Variants in ABCB1 observed in about 807,000 individuals in gnomAD.
ABCB1 encodes ATP binding cassette subfamily B member 1.
Under a neutral mutation model 142.0 loss-of-function variants are expected in ABCB1, and 69 were observed. That is an observed-to-expected ratio of 0.49 (90% confidence interval 0.40 to 0.59). The LOEUF is 0.59. Among genes scored for constraint, ABCB1 ranks in the 20% least tolerant of loss-of-function variants. The pLI is 0.00. For missense variants in ABCB1, 1,326 were observed against 1,554.7 expected (o/e 0.85, Z 2.47); for synonymous variants, 532 against 539.2 (o/e 0.99, Z 0.18).
At chr7:87,559,181 A>G (rs1817442122) in intron 8 of ABCB1, among the ~76,000 whole-genome samples, 1 of 152,068 alleles carries the variant, frequency 6.6e-6, no homozygotes. Flanking sequence ...GAACTTGCCT[A>G]CAAAATTATC....
chr7:87,652,299 G>A (rs1006428403), intron 1 of ABCB1, among the ~76,000 whole-genome samples: 1 of 151,978 alleles, frequency 6.6e-6, no homozygotes, highest in African/African-American at 2.4e-5. Flanking sequence ...AGGCTATGTT[G>A]AGACTCCCAT....
At chr7:87,685,544 T>C (rs949921822) in intron 1 of ABCB1, among the ~76,000 whole-genome samples, 1 of 152,132 alleles carries the variant, frequency 6.6e-6, no homozygotes, top group Non-Finnish European at 1.5e-5. Context: ...CATGTATAAA[T>C]GTCAGATACA....
At position 87,544,051 on chromosome 7, in the gene ABCB1, T is replaced by C. The variant is rs572053920; in HGVS notation, c.2211+78A>G. 42 of 1,560,480 alleles carry C rather than the reference T, an allele frequency of 2.7e-5. No homozygotes were observed. In the African/African-American group the frequency reaches 5.4e-4, roughly 20 times the overall value. On this transcript the variant is annotated intron_variant, in intron 17 of 27. Transcript: ENST00000622132. The stretch of plus-strand genomic sequence containing the variant: ...GGATTTTGTTGTTTTTGTATCCCAG[T>C]TCAGACACAAGCACTTTATTCGTTC...
intron 1 of ABCB1, chr7:87,629,008 C>G: frequency 7.8e-7 from 1 of 1,282,388 alleles, no homozygotes; most frequent in African/African-American, 1.5e-5. Context: ...TGGGCTTCCG[C>G]GCGGGTCCTT....
At chr7:87,625,299 C>T (rs1820372064) in intron 1 of ABCB1, among the ~76,000 whole-genome samples, 1 of 151,946 alleles carries the variant, frequency 6.6e-6, no homozygotes, top group Non-Finnish European at 1.5e-5. Context: ...ATTACCTCAT[C>T]ATTTAAGATG....
Position 87,531,280 on chromosome 7 carries a change from T to C in ABCB1, c.2685+14A>G, listed in dbSNP as rs1192671941. 12 of 1,600,168 alleles carry C rather than the reference T, an allele frequency of 7.5e-6. No individual in the cohort carries two copies. Among genetic ancestry groups the C allele is most frequent in the Non-Finnish European group, 1.0e-5 (12 of 1,168,748 alleles). The stretch of plus-strand genomic sequence containing the variant: ...ACTCTACTTAATTAATCAATCATAT[T>C]TAGTTTGACTCACCTTCCCAGAACC... On this transcript the variant is annotated intron_variant, in intron 21 of 27. Transcript: ENST00000622132.
At position 87,541,465 on chromosome 7, in the gene ABCB1, C is replaced by A; in HGVS notation, c.2212-1G>T. 1 of 1,586,276 alleles carries A rather than the reference C, an allele frequency of 6.3e-7. No individual in the cohort carries two copies. The highest frequency in any genetic ancestry group is 1.7e-5 in the Admixed American group (1 of 59,968). ...CAGGATCATCAATTCTTGTAAAAAC[C>A]TGTGAGAAAACATTTAAAGGATTTT... On this transcript the variant is annotated splice_acceptor_variant, in intron 17 of 27. Transcript: ENST00000622132. LOFTEE classifies it high-confidence loss of function.
intron 1 of ABCB1, among the ~76,000 whole-genome samples, chr7:87,626,492 A>G (rs868252452): frequency 0.023 from 268 of 11,734 alleles, 116 homozygotes; most frequent in Middle Eastern, 0.083. Flanking sequence ...TGTCATATAT[A>G]TGTGTCATAT....
chr7:87,570,415 T>C (rs1818000642), intron 4 of ABCB1, among the ~76,000 whole-genome samples, 192 bp from the exon 5 acceptor site: 1 of 152,204 alleles, frequency 6.6e-6, no homozygotes, highest in African/African-American at 2.4e-5. Flanking sequence ...TGCAACCACA[T>C]ATACACCAAC....
chr7:87,545,659 A>C (rs530671585), intron 15 of ABCB1, among the ~76,000 whole-genome samples: 2 of 152,230 alleles, frequency 1.3e-5, no homozygotes, highest in Admixed American at 1.3e-4. Flanking sequence ...AAACCTTTTA[A>C]TTTTTTTATC....
chr7:87,509,441 C>G lies in ABCB1; in HGVS notation c.3323G>C (p.Trp1108Ser). 6.2e-7 allele frequency: 1 copy of G among 1,614,172 alleles called. No individual in the cohort carries two copies. Among genetic ancestry groups the G allele is most frequent in the Non-Finnish European group, 8.5e-7 (1 of 1,180,042 alleles). ...CACGATGCCCAGGTGTGCTCGGAGC[C>G]ACTGAACATTCAGTCGCTTTATTTC... ...GKEIKRLNVQWLRAHLGIVSQ... is the reference protein window; with the variant it reads ...GKEIKRLNVQSLRAHLGIVSQ... Residue 1108 changes from tryptophan (W) to serine (S), a missense_variant, in exon 26 of 28, where the codon TGG (tryptophan) becomes TCG (serine). Coordinates refer to ENST00000622132, the MANE Select transcript of ABCB1 (RefSeq NM_001348946.2).
chr7:87,585,492 G>T lies in ABCB1; in HGVS notation c.286+20C>A. On this transcript the variant is annotated intron_variant, in intron 4 of 27. Transcript: ENST00000622132. Reference sequence around the variant, plus strand: ...TTTGCTGCAAGTTTCCAATAAAATTGGTACACAAACAATACTTACTTCTAT... The same window carrying T: ...TTTGCTGCAAGTTTCCAATAAAATTTGTACACAAACAATACTTACTTCTAT... 2 of 1,611,796 alleles carry T rather than the reference G, an allele frequency of 1.2e-6. No individual in the cohort carries two copies.
chr7:87,529,622 G>C (rs1038788361), intron 21 of ABCB1, among the ~76,000 whole-genome samples: 1 of 152,204 alleles, frequency 6.6e-6, no homozygotes, highest in Non-Finnish European at 1.5e-5. Flanking sequence ...GCATGAATTA[G>C]CTTAGGATCA....
At chr7:87,702,911 G>A (rs1202257949) in intron 1 of ABCB1, among the ~76,000 whole-genome samples, 2 of 152,070 alleles carry the variant, frequency 1.3e-5, no homozygotes, top group Non-Finnish European at 2.9e-5. Flanking sequence ...ATACTCAACA[G>A]AAGGTTGAGT....
At chr7:87,556,224 G>A (rs920333196) in intron 8 of ABCB1, among the ~76,000 whole-genome samples, 2 of 152,116 alleles carry the variant, frequency 1.3e-5, no homozygotes, top group Non-Finnish European at 2.9e-5. Context: ...TAAATATTGT[G>A]AAAATATTTA....
At chr7:87,628,584 CGTGTGTGTGTGTGTGTGTGTGTGTGTGT>C (rs71117546) in intron 1 of ABCB1, 5 of 290,668 alleles carry the variant, frequency 1.7e-5, no homozygotes, top group East Asian at 5.4e-5. Flanking sequence ...TGCGTGCGTG[CGTGTGTGTGTGTGTGTGTGTGTGTGTGT>C]GTGTGTGTGT....
Position 87,672,480 on chromosome 7 carries a change from G to A in ABCB1, c.-331+40681C>T, listed in dbSNP as rs140085026. ...AGTGGGTCTTATCTTGTGGGGTGCCGTGGAAGTGGGGCCTGTAGGTTTTGG... is the reference window on the plus strand; with the variant it reads ...AGTGGGTCTTATCTTGTGGGGTGCCATGGAAGTGGGGCCTGTAGGTTTTGG... On this transcript the variant is annotated intron_variant, in intron 1 of 28. Coordinates refer to the ABCB1 transcript ENST00000265724. 3.0e-3 allele frequency among the ~76,000 whole-genome samples: 455 copies of A among 152,304 alleles called. 2 individuals are homozygous for A. The highest frequency in any genetic ancestry group is 0.01 in the African/African-American group (436 of 41,560).
Position 87,536,466 on chromosome 7 carries a change from C to T in ABCB1, c.2473G>A (p.Val825Ile). The T allele has an allele frequency of 6.2e-7, 1 of 1,613,956 alleles. No homozygotes were observed. Among genetic ancestry groups the T allele is most frequent in the Non-Finnish European group, 8.5e-7 (1 of 1,179,890 alleles). The change falls in exon 20 of 28, where the codon GTT becomes ATT. Residue 825 changes from valine to isoleucine, a missense_variant. Val to Ile is a conservative substitution (Grantham distance 29, BLOSUM62 3). Coordinates refer to ENST00000622132, the MANE Select transcript of ABCB1 (RefSeq NM_001348946.2). ...TTRLANDAAQ[V>I]KGAIGSRLAV... ...AGAAAGGAGGCACGTACCCCTTTAA[C>T]TTGAGCAGCATCATTGGCGAGCCTG...
rs527847769 is a variant in ABCB1, at chr7:87,592,012, A to G, written c.117+3754T>C. On this transcript the variant is annotated intron_variant, in intron 3 of 27. Transcript: ENST00000622132. Reference sequence around the variant, plus strand: ...GTCTAAGTGCTGCTGAGAGATCAAGATAGAATTTTAAAATGTCCACTGAAT... The same window carrying G: ...GTCTAAGTGCTGCTGAGAGATCAAGGTAGAATTTTAAAATGTCCACTGAAT... Among the ~76,000 whole-genome samples the G allele has an allele frequency of 2.8e-4, 43 of 152,344 alleles. No individual in the cohort carries two copies. In the South Asian group the frequency reaches 8.7e-3, roughly 31 times the overall value.
Sources: allele counts gnomAD v4.1 joint callset (sites outside exome capture counted in the v4.1 genomes callset), GRCh38; gene constraint gnomAD v4.1.1; transcripts MANE v1.5; gene names NCBI Gene and HGNC (gene_info 2026-07-23, HGNC 2026-07-21).